AOAH: variants seen among roughly 807,000 people sequenced by gnomAD.
AOAH encodes acyloxyacyl hydrolase (neutrophil).
Under a neutral mutation model 92.2 loss-of-function variants are expected in AOAH, and 64 were observed. The observed-to-expected ratio is 0.69, with a 90% confidence interval of 0.57 to 0.86. The LOEUF (loss-of-function observed/expected upper bound fraction) is 0.86, where lower values mean the gene tolerates loss of function less well. Ranked by LOEUF, AOAH falls within the 40% of genes least tolerant of loss-of-function variation. The probability of loss-of-function intolerance (pLI) is 0.00; values close to 1 mark genes in which losing one functional copy is unlikely to be tolerated. For synonymous variants in AOAH, 263 were observed against 254.5 expected (o/e 1.03, Z -0.32); for missense variants, 656 against 694.6 (o/e 0.94, Z 0.62).
At position 36,587,554 on chromosome 7, in the gene AOAH, A is replaced by G. The variant is rs150728151; in HGVS notation, c.938+6785T>C. On this transcript the variant is annotated intron_variant, in intron 12 of 20. Transcript: ENST00000617537. ...CTTTTACCCATGCATCATCTTAATC[A>G]TACACTAATATTTAGAAAATATTGG... Among the ~76,000 whole-genome samples the G allele has an allele frequency of 2.7e-3, 418 of 152,288 alleles. 4 individuals carry two copies. Among genetic ancestry groups the G allele is most frequent in the Middle Eastern group, 0.017 (5 of 294 alleles).
chr7:36,523,222 C>T (rs1784200254), intron 19 of AOAH, among the ~76,000 whole-genome samples: 1 of 152,314 alleles, frequency 6.6e-6, no homozygotes, highest in Middle Eastern at 3.4e-3. Context: ...AGAAAGACTG[C>T]CCCTGAGACA....
intron 4 of AOAH, among the ~76,000 whole-genome samples, chr7:36,652,444 T>G (rs1428191461): frequency 6.6e-6 from 1 of 152,234 alleles, no homozygotes; most frequent in Non-Finnish European, 1.5e-5. Context: ...TGTGTAGATA[T>G]TCCATGTTCT....
intron 11 of AOAH, among the ~76,000 whole-genome samples, chr7:36,609,961 A>C (rs1217398273): frequency 1.3e-5 from 2 of 152,048 alleles, no homozygotes; most frequent in Non-Finnish European, 2.9e-5. Context: ...TGCCACAAGC[A>C]CGAAAAACCA....
intron 16 of AOAH, among the ~76,000 whole-genome samples, chr7:36,534,326 G>A (rs988600317): frequency 1.2e-4 from 19 of 152,258 alleles, no homozygotes; most frequent in African/African-American, 3.9e-4. Flanking sequence ...TCCCTCTGTC[G>A]CCTGGCTCCA....
At chr7:36,693,190 T>C (rs1797517244) in intron 1 of AOAH, among the ~76,000 whole-genome samples, 1 of 152,192 alleles carries the variant, frequency 6.6e-6, no homozygotes, top group Non-Finnish European at 1.5e-5. Flanking sequence ...TTGCTCTGTA[T>C]CTTCTAAAAT....
At chr7:36,575,011 A>T (rs1583855570) in intron 13 of AOAH, among the ~76,000 whole-genome samples, 1 of 150,108 alleles carries the variant, frequency 6.7e-6, no homozygotes, top group Admixed American at 6.6e-5. Context: ...CTCACAGATG[A>T]TTTTTTTTTT....
chr7:36,563,772 T>C (rs556560553), intron 13 of AOAH, among the ~76,000 whole-genome samples: 17 of 152,236 alleles, frequency 1.1e-4, no homozygotes, highest in Non-Finnish European at 1.9e-4. Flanking sequence ...AGGAGAATGA[T>C]TTGTACAATC....
chr7:36,548,565 AG>A, intron 15 of AOAH, 46 bp downstream of exon 15: 1 of 1,512,442 alleles, frequency 6.6e-7, no homozygotes, highest in Non-Finnish European at 9.2e-7. Flanking sequence ...GGTGGGGAAG[AG>A]CCCAGAGCCA....
At chr7:36,621,300 T>A (rs1792261433) in intron 8 of AOAH, among the ~76,000 whole-genome samples, 1 of 152,234 alleles carries the variant, frequency 6.6e-6, no homozygotes. Flanking sequence ...TGTTTTCCAT[T>A]CATTAGAGGC....
In AOAH at chr7:36,632,113, A is replaced by AG. The variant is rs778875538; in HGVS notation, c.451-8dup. ...AACCACTTCTAGAATATTTCTGGGG[A>AG]GAAAAAAAAAAACAAAAAGAGAGTT... On this transcript the variant is annotated splice_polypyrimidine_tract_variant and splice_region_variant and intron_variant, in intron 5 of 20. Transcript: ENST00000617537. 13 of 1,598,448 alleles carry AG rather than the reference A, an allele frequency of 8.1e-6. No individual in the cohort carries two copies. Among genetic ancestry groups the AG allele is most frequent in the Admixed American group, 3.5e-5 (2 of 57,926 alleles).
intron 19 of AOAH, among the ~76,000 whole-genome samples, chr7:36,523,620 G>A (rs1024979334): frequency 1.8e-5 from 2 of 109,582 alleles, no homozygotes; most frequent in African/African-American, 7.1e-5. Flanking sequence ...TGCCTGGCCT[G>A]TTTTGCCTGT....
chr7:36,513,228 C>G lies in AOAH; in HGVS notation c.*24G>C. The G allele has an allele frequency of 2.5e-6, 4 of 1,614,168 alleles. No individual in the cohort carries two copies. The highest frequency in any genetic ancestry group is 3.4e-6 in the Non-Finnish European group (4 of 1,180,012). ...CAAGCCTCTGCCTCCCTGTGCTCCCCAGGGGTGCATGCTCCTGAGAGGCTC... is the reference window on the plus strand; with the variant it reads ...CAAGCCTCTGCCTCCCTGTGCTCCCGAGGGGTGCATGCTCCTGAGAGGCTC... On this transcript the variant is annotated 3_prime_UTR_variant, in exon 21 of 21. Coordinates refer to ENST00000617537, the MANE Select transcript of AOAH (RefSeq NM_001637.4).
intron 11 of AOAH, among the ~76,000 whole-genome samples, chr7:36,596,171 ACC>A (rs540009651): frequency 1.4e-4 from 17 of 118,586 alleles, no homozygotes; most frequent in South Asian, 6.0e-4. Context: ...AAGCCCCCCC[ACC>A]CCCCGTCACC....
intron 1 of AOAH, among the ~76,000 whole-genome samples, chr7:36,702,600 CT>C (rs1562712481): frequency 6.6e-6 from 1 of 152,146 alleles, no homozygotes; most frequent in East Asian, 1.9e-4. Context: ...ATACTGGAGT[CT>C]TTTAAATGTG....
At chr7:36,594,834 C>T (rs962967968) in intron 11 of AOAH, among the ~76,000 whole-genome samples, 3 of 152,030 alleles carry the variant, frequency 2.0e-5, no homozygotes, top group Non-Finnish European at 4.4e-5. Context: ...GAAAAAAATG[C>T]CTTCCCTGGG....
At chr7:36,694,464 T>C (rs1396777515) in intron 1 of AOAH, among the ~76,000 whole-genome samples, 1 of 152,116 alleles carries the variant, frequency 6.6e-6, no homozygotes. Context: ...CACTCCAGTC[T>C]GGGTGACAAG....
intron 11 of AOAH, among the ~76,000 whole-genome samples, chr7:36,609,894 G>C (rs901416188): frequency 2.0e-5 from 3 of 151,988 alleles, no homozygotes; most frequent in African/African-American, 7.3e-5. Context: ...TGCTGGGCCT[G>C]CAGAGATGTG....
intron 3 of AOAH, among the ~76,000 whole-genome samples, chr7:36,668,912 C>T (rs1265810692): frequency 6.6e-6 from 1 of 152,246 alleles, no homozygotes; most frequent in East Asian, 1.9e-4. Context: ...ATCACATTTT[C>T]ATTTACTTCC....
At position 36,622,252 on chromosome 7, in the gene AOAH, C is replaced by T. The variant is rs140177757; in HGVS notation, c.583-472G>A. The stretch of plus-strand genomic sequence containing the variant: ...GCACCTCCAGAAACAGCAGACCCAT[C>T]CAACTTCCCAAAAACCCTCTACTAA... On this transcript the variant is annotated intron_variant, in intron 7 of 20. Coordinates refer to ENST00000617537, the MANE Select transcript of AOAH (RefSeq NM_001637.4). Among the ~76,000 whole-genome samples the T allele has an allele frequency of 2.1e-3, 325 of 152,298 alleles. 1 individual carries two copies. The highest frequency in any genetic ancestry group is 7.1e-3 in the African/African-American group (295 of 41,570).
Sources: gnomAD v4.1 joint callset for allele counts (sites outside exome capture counted in the v4.1 genomes callset) on GRCh38, gnomAD v4.1.1 for gene constraint, MANE v1.5 for transcripts, NCBI Gene and HGNC (gene_info 2026-07-23, HGNC 2026-07-21) for gene names.